SPON1: variants seen among roughly 807,000 people sequenced by gnomAD.
The protein encoded by SPON1 is spondin-1.
In SPON1, 52 loss-of-function variants were observed where a neutral mutation model predicts 111.7. The observed-to-expected ratio is 0.47, with a 90% CI of 0.37 to 0.59. The LOEUF (loss-of-function observed/expected upper bound fraction) is 0.59, where lower values mean the gene tolerates loss of function less well. Ranked by LOEUF, SPON1 falls within the 20% of genes least tolerant of loss-of-function variation. SPON1 has a pLI of 0.00. For synonymous variants in SPON1, 410 were observed against 395.8 expected (o/e 1.04, Z -0.43); for missense variants, 957 against 1,068.5 (o/e 0.90, Z 1.46).
At chr11:14,202,575 C>G (rs756332604) in intron 6 of SPON1, among the ~76,000 whole-genome samples, 2 of 152,174 alleles carry the variant, frequency 1.3e-5, no homozygotes, top group Non-Finnish European at 2.9e-5. Context: ...CTCCAGGACT[C>G]TGTTTTCCAA....
intron 6 of SPON1, among the ~76,000 whole-genome samples, chr11:14,148,393 T>TAA (rs1420324813): frequency 2.6e-5 from 4 of 152,304 alleles, no homozygotes; most frequent in African/African-American, 9.6e-5. Context: ...GACCTTTCAC[T>TAA]GTATTCCCTT....
rs565464257 is a variant in SPON1 at position 14,077,208 on chromosome 11, GA to G, written c.553+1792del. 2.7e-4 allele frequency among the ~76,000 whole-genome samples: 41 copies of G among 152,246 alleles called. No individual in the cohort carries two copies. The South Asian group carries it at 8.5e-3, about 32-fold the overall frequency. On this transcript the variant is annotated intron_variant, in intron 4 of 15. Coordinates refer to ENST00000576479, the MANE Select transcript of SPON1 (RefSeq NM_006108.4). ...AGGGTGTCAGTGAAGTATCTCCTAAGAACCCTCAGCTCCTGAAAATAAGGCT... is the reference window on the plus strand; with the variant it reads ...AGGGTGTCAGTGAAGTATCTCCTAAGACCCTCAGCTCCTGAAAATAAGGCT...
intron 3 of SPON1, among the ~76,000 whole-genome samples, chr11:14,073,635 G>GA (rs1279576450): frequency 1.3e-5 from 2 of 152,102 alleles, no homozygotes; most frequent in Admixed American, 6.5e-5. Context: ...GCATGGTTAG[G>GA]ATGCCCTATT....
At chr11:14,055,640 C>T (rs1848739564) in intron 3 of SPON1, among the ~76,000 whole-genome samples, 2 of 152,202 alleles carry the variant, frequency 1.3e-5, no homozygotes, top group African/African-American at 2.4e-5. Context: ...TGGCCATCCA[C>T]CTGGGGCTAG....
At chr11:13,980,743 G>T (rs531490949) in intron 1 of SPON1, among the ~76,000 whole-genome samples, 1 of 152,128 alleles carries the variant, frequency 6.6e-6, no homozygotes, top group Admixed American at 6.6e-5. Flanking sequence ...ATTTTTTAAA[G>T]TTTAAAAACT....
chr11:14,080,325 T>C (rs1460453045), intron 5 of SPON1, among the ~76,000 whole-genome samples: 1 of 150,730 alleles, frequency 6.6e-6, no homozygotes, highest in Non-Finnish European at 1.5e-5. Flanking sequence ...GCCTCCCGGG[T>C]TCAAGCAGTT....
At chr11:14,033,736 C>T (rs1375843853) in intron 2 of SPON1, among the ~76,000 whole-genome samples, 10 of 152,106 alleles carry the variant, frequency 6.6e-5, no homozygotes, top group Non-Finnish European at 1.3e-4. Context: ...ATATTCATGA[C>T]CAGATACCCA....
At chr11:14,262,134 C>T (rs1349184474) in intron 14 of SPON1, among the ~76,000 whole-genome samples, 3 of 152,222 alleles carry the variant, frequency 2.0e-5, no homozygotes, top group African/African-American at 7.2e-5. Context: ...TCCTGACCCT[C>T]TTCTCTACTG....
At chr11:14,027,262 C>A (rs1848525723) in intron 2 of SPON1, among the ~76,000 whole-genome samples, 1 of 152,194 alleles carries the variant, frequency 6.6e-6, no homozygotes. Context: ...TCACTAGATG[C>A]CTCTTTCCAA....
chr11:13,997,859 T>C (rs1848285653), intron 2 of SPON1, among the ~76,000 whole-genome samples: 1 of 152,148 alleles, frequency 6.6e-6, no homozygotes, highest in South Asian at 2.1e-4. Flanking sequence ...ATATAGCAGC[T>C]TCACCAAAAA....
rs1429069752 is a variant in SPON1, at chr11:14,268,095, G to A, written c.*2408G>A. Among the ~76,000 whole-genome samples the A allele has an allele frequency of 2.0e-5, 3 of 152,062 alleles. No individual in the cohort carries two copies. The highest frequency in any genetic ancestry group is 4.4e-5 in the Non-Finnish European group (3 of 68,000). On this transcript the variant is annotated 3_prime_UTR_variant, in exon 16 of 16. Coordinates refer to ENST00000576479, the MANE Select transcript of SPON1 (RefSeq NM_006108.4). ...ATAAACCTGGGTTTCTATAGACCCA[G>A]AACTGAAAAAATAAACATCGTGCTG...
chr11:13,962,956 G>T lies in SPON1; in HGVS notation c.52G>T (p.Ala18Ser). The T allele has an allele frequency of 6.3e-7, 1 of 1,588,284 alleles. No individual in the cohort carries two copies. Among genetic ancestry groups the T allele is most frequent in the Non-Finnish European group, 8.6e-7 (1 of 1,169,388 alleles). ...GCTGAGCCGGACTCCGGCACTGCTG[G>T]CCCTGGCGCTGCCCCTGGCCGCGGC... ...LKLSRTPALL[A>S]LALPLAAALA... Residue 18 changes from alanine to serine, a missense_variant, in exon 1 of 16, where the codon GCC becomes TCC. Ala to Ser is a moderately conservative substitution (Grantham distance 99). Coordinates refer to ENST00000576479, the MANE Select transcript of SPON1 (RefSeq NM_006108.4).
At chr11:14,004,156 C>T (rs1347704830) in intron 2 of SPON1, among the ~76,000 whole-genome samples, 1 of 151,646 alleles carries the variant, frequency 6.6e-6, no homozygotes, top group Non-Finnish European at 1.5e-5. Flanking sequence ...CACACACAGA[C>T]ACACACACAC....
chr11:14,091,423 G>C (rs1849055634), intron 5 of SPON1, among the ~76,000 whole-genome samples: 1 of 152,224 alleles, frequency 6.6e-6, no homozygotes, highest in African/African-American at 2.4e-5. Flanking sequence ...AGCCCATGGA[G>C]TGGGTGGGAG....
intron 6 of SPON1, among the ~76,000 whole-genome samples, chr11:14,199,405 C>A (rs1169132330): frequency 2.0e-5 from 3 of 152,082 alleles, no homozygotes; most frequent in Non-Finnish European, 4.4e-5. Context: ...CAACAGTTGA[C>A]CACCAAGACA....
At chr11:14,189,352 C>T (rs1246720660) in intron 6 of SPON1, among the ~76,000 whole-genome samples, 2 of 152,232 alleles carry the variant, frequency 1.3e-5, no homozygotes, top group African/African-American at 4.8e-5. Context: ...TCCAACCCCA[C>T]TCTTCTGCAG....
At chr11:14,137,297 G>A (rs943316119) in intron 6 of SPON1, among the ~76,000 whole-genome samples, 1 of 152,170 alleles carries the variant, frequency 6.6e-6, no homozygotes, top group Non-Finnish European at 1.5e-5. Context: ...TTAGGAAAAA[G>A]TTCTTTGGTA....
At chr11:14,116,379 CT>C (rs541097994) in intron 5 of SPON1, among the ~76,000 whole-genome samples, 44 of 152,054 alleles carry the variant, frequency 2.9e-4, no homozygotes, top group Non-Finnish European at 5.1e-4. Flanking sequence ...TCTTTCATAT[CT>C]AGATATTGAA....
chr11:14,180,341 C>G (rs782797086), intron 6 of SPON1, among the ~76,000 whole-genome samples: 1 of 152,204 alleles, frequency 6.6e-6, no homozygotes, highest in Non-Finnish European at 1.5e-5. Flanking sequence ...CTTCATCATG[C>G]CTCCGTATTT....
Sources: allele counts gnomAD v4.1 joint callset (sites outside exome capture counted in the v4.1 genomes callset), GRCh38; gene constraint gnomAD v4.1.1; transcripts MANE v1.5; gene names NCBI Gene and HGNC (gene_info 2026-07-23, HGNC 2026-07-21).